IFT81: variants seen among roughly 807,000 people sequenced by gnomAD.
The protein encoded by IFT81 is intraflagellar transport 81.
Under a neutral mutation model 102.6 loss-of-function variants are expected in IFT81, and 72 were observed. The observed-to-expected ratio is 0.70, with a 90% CI of 0.58 to 0.85. The LOEUF is 0.85. Among genes scored for constraint, IFT81 ranks in the 40% least tolerant of loss-of-function variants. The pLI, the probability that IFT81 is intolerant of heterozygous loss-of-function variation, is 0.00. For missense variants in IFT81, 723 were observed against 787.3 expected (o/e 0.92, Z 0.98); for synonymous variants, 237 against 242.7 (o/e 0.98, Z 0.22).
intron 13 of IFT81, among the ~76,000 whole-genome samples, chr12:110,192,043 C>T (rs1402647486): frequency 6.6e-6 from 1 of 151,990 alleles, no homozygotes; most frequent in Non-Finnish European, 1.5e-5. Context: ...TGGTGTCGCA[C>T]TCCTGTAGTT....
chr12:110,181,614 C>T (rs1397005365), intron 12 of IFT81, among the ~76,000 whole-genome samples: 1 of 152,154 alleles, frequency 6.6e-6, no homozygotes, highest in Non-Finnish European at 1.5e-5. Context: ...CTAAATATGT[C>T]AATTCAGTCA....
At chr12:110,157,107 T>C (rs1386196428) in intron 10 of IFT81, among the ~76,000 whole-genome samples, 1 of 151,998 alleles carries the variant, frequency 6.6e-6, no homozygotes, top group Non-Finnish European at 1.5e-5. Flanking sequence ...CCCAACACTT[T>C]GGGAGGCCGA....
chr12:110,148,460 T>G (rs1487658019), intron 10 of IFT81, among the ~76,000 whole-genome samples: 1 of 152,126 alleles, frequency 6.6e-6, no homozygotes, highest in Non-Finnish European at 1.5e-5. Context: ...GATTCCTTCT[T>G]CATTTATTAG....
chr12:110,161,621 T>G (rs1046144019), intron 10 of IFT81, among the ~76,000 whole-genome samples: 1 of 151,728 alleles, frequency 6.6e-6, no homozygotes, highest in African/African-American at 2.4e-5. Context: ...TTTTTTTTTA[T>G]TATTTATTTT....
chr12:110,166,522 G>A (rs1170080076), intron 11 of IFT81, among the ~76,000 whole-genome samples: 1 of 151,914 alleles, frequency 6.6e-6, no homozygotes, highest in Admixed American at 6.6e-5. Context: ...GGTAAAAGTG[G>A]TAAATTTTAT....
chr12:110,189,957 C>A (rs1897712590), intron 12 of IFT81, among the ~76,000 whole-genome samples: 1 of 152,140 alleles, frequency 6.6e-6, no homozygotes, highest in African/African-American at 2.4e-5. Context: ...TCACCACCAC[C>A]CTGATTCATG....
chr12:110,197,248 G>A (rs79791672), intron 14 of IFT81, among the ~76,000 whole-genome samples: 118 of 147,150 alleles, frequency 8.0e-4, no homozygotes, highest in Non-Finnish European at 1.1e-3. Context: ...AGGTAGGTAG[G>A]TAGATAGATA....
rs1593270108 is a variant in IFT81 at position 110,126,810 on chromosome 12, CAG to C, written c.-21-548_-21-547del. 2.0e-5 allele frequency among the ~76,000 whole-genome samples: 3 copies of C among 152,266 alleles called. No homozygotes were observed. In the East Asian group the frequency reaches 5.8e-4, roughly 29 times the overall value. ...GGATGCCTACCGGCCACACCAATAA[CAG>C]AAATGGAAGAAGGGTACTTGAAGTG... On this transcript the variant is annotated intron_variant, in intron 1 of 18. Transcript: ENST00000242591.
intron 4 of IFT81, among the ~76,000 whole-genome samples, chr12:110,131,125 T>TA (rs1385463944): frequency 6.6e-6 from 1 of 151,586 alleles, no homozygotes; most frequent in Non-Finnish European, 1.5e-5. Context: ...CTACAAAAGA[T>TA]AAAAAAATTA....
chr12:110,157,762 T>C (rs748617211), intron 10 of IFT81, among the ~76,000 whole-genome samples: 3 of 152,242 alleles, frequency 2.0e-5, no homozygotes, highest in Non-Finnish European at 4.4e-5. Flanking sequence ...TCTATTGTCC[T>C]GTCTTCAAGT....
intron 18 of IFT81, among the ~76,000 whole-genome samples, chr12:110,215,453 C>CTT (rs556887393): frequency 0.015 from 910 of 61,904 alleles, 291 homozygotes; most frequent in African/African-American, 0.055. Flanking sequence ...TCTTCTTCTT[C>CTT]TTTTTTTTTT....
chr12:110,179,724 T>TTATA (rs751481208), intron 11 of IFT81, among the ~76,000 whole-genome samples: 77 of 48,640 alleles, frequency 1.6e-3, no homozygotes, highest in Non-Finnish European at 2.5e-3. Context: ...TATCTCGAAA[T>TTATA]TATATATATA....
rs113844380 is a variant in IFT81, at chr12:110,159,741, G to A, written c.1042-3178G>A. The stretch of plus-strand genomic sequence containing the variant: ...CTGCACCTCTGTGATCAGAAGCAGC[G>A]CATAGATCCCCAGTATTGGAGGACT... On this transcript the variant is annotated intron_variant, in intron 10 of 18. Coordinates refer to ENST00000242591, the MANE Select transcript of IFT81 (RefSeq NM_014055.4). 2.1e-3 allele frequency among the ~76,000 whole-genome samples: 315 copies of A among 152,300 alleles called. 3 individuals are homozygous for A. The highest frequency in any genetic ancestry group is 7.1e-3 in the African/African-American group (295 of 41,570).
rs561274812 is a variant in IFT81, at chr12:110,173,019, C to A, written c.1189-7403C>A. Among the ~76,000 whole-genome samples, 3 of 149,498 alleles carry A rather than the reference C, an allele frequency of 2.0e-5. No individual in the cohort carries two copies. The South Asian group carries it at 6.3e-4, about 32-fold the overall frequency. ...GGTCAGCCCCCCACCCGGCCAGCCGCCCCGTCCAGGAGGTGAGGGGCGCCT... is the reference window on the plus strand; with the variant it reads ...GGTCAGCCCCCCACCCGGCCAGCCGACCCGTCCAGGAGGTGAGGGGCGCCT... On this transcript the variant is annotated intron_variant, in intron 11 of 18. Coordinates refer to ENST00000242591, the MANE Select transcript of IFT81 (RefSeq NM_014055.4).
At position 110,129,129 on chromosome 12, in the gene IFT81, A is replaced by G; in HGVS notation, c.428A>G (p.Gln143Arg). Reference sequence around the variant, plus strand: ...GAAACTGTGGCTGACACCAATAAACAGGTAAACAATACATAAATGGTACAT... The same window carrying G: ...GAAACTGTGGCTGACACCAATAAACGGGTAAACAATACATAAATGGTACAT... ...QDETVADTNKQYEELMEAFKT... is the reference protein window; with the variant it reads ...QDETVADTNKRYEELMEAFKT... Residue 143 changes from glutamine to arginine, a missense_variant and splice_region_variant, in exon 4 of 19, where the codon CAG becomes CGG. By Grantham distance (43) the Gln-to-Arg change is conservative (BLOSUM62 1). Transcript: ENST00000242591. The G allele has an allele frequency of 6.3e-7, 1 of 1,584,650 alleles. No homozygotes were observed. The highest frequency in any genetic ancestry group is 8.6e-7 in the Non-Finnish European group (1 of 1,168,750).
At chr12:110,176,368 T>A (rs1897035923) in intron 11 of IFT81, among the ~76,000 whole-genome samples, 1 of 152,188 alleles carries the variant, frequency 6.6e-6, no homozygotes, top group South Asian at 2.1e-4. Context: ...AGCTACCATT[T>A]TGACCCCTGT....
intron 11 of IFT81, among the ~76,000 whole-genome samples, chr12:110,179,773 TACACACACACACACACACACAC>T (rs34207126): frequency 2.0e-5 from 1 of 50,492 alleles, no homozygotes; most frequent in South Asian, 6.4e-4. Context: ...TATATATATA[TACACACACACACACACACACAC>T]ACACACACAC....
intron 11 of IFT81, chr12:110,168,174 G>A (rs967724722): frequency 2.6e-5 from 4 of 152,580 alleles, no homozygotes; most frequent in African/African-American, 9.7e-5. Flanking sequence ...ACTATACCCA[G>A]TTTTTACAGA....
chr12:110,165,521 G>C (rs893028291), intron 11 of IFT81, among the ~76,000 whole-genome samples: 2 of 152,280 alleles, frequency 1.3e-5, no homozygotes, highest in Admixed American at 1.3e-4. Context: ...ATGGTGTTTG[G>C]AAAGAACACT....
Sources: allele counts gnomAD v4.1 joint callset (sites outside exome capture counted in the v4.1 genomes callset), GRCh38; gene constraint gnomAD v4.1.1; transcripts MANE v1.5; gene names NCBI Gene and HGNC (gene_info 2026-07-23, HGNC 2026-07-21).